Variants in ADARB2 observed in about 807,000 individuals in gnomAD.
ADARB2 encodes inactive double-stranded RNA-specific editase B2.
In ADARB2, 25 loss-of-function variants were observed where a neutral mutation model predicts 62.2. The ratio of observed to expected loss-of-function variants is 0.40; its 90% CI spans 0.29 to 0.56. The LOEUF (loss-of-function observed/expected upper bound fraction) is 0.56. Among genes scored for constraint, ADARB2 ranks in the 20% least tolerant of loss-of-function variants. The probability of loss-of-function intolerance (pLI) is 0.43; values close to 1 mark genes in which losing one functional copy is unlikely to be tolerated. For missense variants in ADARB2, 1,071 were observed against 1,077.4 expected (o/e 0.99, Z 0.08); for synonymous variants, 572 against 500.8 (o/e 1.14, Z -1.90).
intron 1 of ADARB2, among the ~76,000 whole-genome samples, chr10:1,638,268 C>T (rs748112346): frequency 2.2e-4 from 33 of 152,094 alleles, no homozygotes; most frequent in Non-Finnish European, 4.0e-4. Flanking sequence ...TAACAATGAG[C>T]TTTGATTGTT....
intron 3 of ADARB2, among the ~76,000 whole-genome samples, chr10:1,319,175 C>A (rs963299222): frequency 2.0e-5 from 3 of 152,108 alleles, no homozygotes; most frequent in Non-Finnish European, 2.9e-5. Context: ...CACAGAGATA[C>A]AGCATATAGT....
chr10:1,697,232 C>G (rs775014125), intron 1 of ADARB2, among the ~76,000 whole-genome samples: 61 of 152,146 alleles, frequency 4.0e-4, no homozygotes, highest in Non-Finnish European at 8.2e-4. Context: ...CCCCACAGCC[C>G]TGTGGCAAGA....
intron 1 of ADARB2, among the ~76,000 whole-genome samples, chr10:1,575,324 T>C (rs1296362399): frequency 2.6e-5 from 4 of 152,198 alleles, no homozygotes; most frequent in Non-Finnish European, 5.9e-5. Context: ...CTCAGCTCAT[T>C]AAAAAGGTAG....
rs561902056 is a variant in ADARB2, at chr10:1,450,874, G to C, written c.101-71714C>G. ...ACGAGCTGAAGGCTGCTGCTGAGGGGTGGGAAAGTGGTGACTTTTGGGTGA... is the reference window on the plus strand; with the variant it reads ...ACGAGCTGAAGGCTGCTGCTGAGGGCTGGGAAAGTGGTGACTTTTGGGTGA... On this transcript the variant is annotated intron_variant, in intron 1 of 9. Coordinates refer to ENST00000381312, the MANE Select transcript of ADARB2 (RefSeq NM_018702.4). Among the ~76,000 whole-genome samples the C allele has an allele frequency of 2.3e-4, 35 of 152,350 alleles. No individual in the cohort carries two copies. In the South Asian group the frequency reaches 3.3e-3, roughly 14 times the overall value.
chr10:1,305,996 A>G (rs1398251815), intron 3 of ADARB2, among the ~76,000 whole-genome samples: 2 of 152,236 alleles, frequency 1.3e-5, no homozygotes, highest in Admixed American at 6.5e-5. Flanking sequence ...CTGGCACAAG[A>G]CAGTGAGAGG....
intron 1 of ADARB2, among the ~76,000 whole-genome samples, chr10:1,694,735 C>T (rs989573387): frequency 2.0e-5 from 3 of 152,148 alleles, no homozygotes; most frequent in Non-Finnish European, 4.4e-5. Context: ...AGCACATTTA[C>T]GTTTTTTCAG....
intron 4 of ADARB2, among the ~76,000 whole-genome samples, chr10:1,251,452 A>G (rs775623624): frequency 6.6e-6 from 1 of 152,176 alleles, no homozygotes; most frequent in Non-Finnish European, 1.5e-5. Flanking sequence ...TGGAGAACAG[A>G]GGATTTTTAG....
chr10:1,505,386 T>TG (rs1831832066), intron 1 of ADARB2, among the ~76,000 whole-genome samples: 1 of 151,852 alleles, frequency 6.6e-6, no homozygotes, highest in East Asian at 1.9e-4. Context: ...GTTTTTGTTT[T>TG]TTTTTTTTTT....
In ADARB2 at chr10:1,578,635, G is replaced by A. The variant is rs76557898; in HGVS notation, c.100+158416C>T. On this transcript the variant is annotated intron_variant, in intron 1 of 9. Transcript: ENST00000381312. Reference sequence around the variant, plus strand: ...TTGGCTGAACCACTGTTCTCCATGAGCTCACACTGTGTACCATGTTACCCC... The same window carrying A: ...TTGGCTGAACCACTGTTCTCCATGAACTCACACTGTGTACCATGTTACCCC... Among the ~76,000 whole-genome samples the A allele has an allele frequency of 6.7e-4, 100 of 149,336 alleles. No individual in the cohort carries two copies. In the East Asian group the frequency reaches 0.018, roughly 27 times the overall value.
intron 3 of ADARB2, chr10:1,293,049 GGGAGGGAGGGAAAGGGGGGAGA>G (rs1564248643): frequency 5.1e-5 from 4 of 78,566 alleles, no homozygotes; most frequent in African/African-American, 1.2e-4. Context: ...GAGATGCAGA[GGGAGGGAGGGAAAGGGGGGAGA>G]GGAGGGAGAG....
chr10:1,690,168 G>T (rs1306297984), intron 1 of ADARB2, among the ~76,000 whole-genome samples: 1 of 152,216 alleles, frequency 6.6e-6, no homozygotes, highest in Non-Finnish European at 1.5e-5. Flanking sequence ...TTGCGAATTT[G>T]CAGCTAATGC....
intron 1 of ADARB2, among the ~76,000 whole-genome samples, chr10:1,706,630 G>T (rs1312942723): frequency 6.6e-6 from 1 of 152,190 alleles, no homozygotes; most frequent in African/African-American, 2.4e-5. Context: ...CAAACAGAGG[G>T]CCTGGCGCTG....
At chr10:1,287,852 A>C (rs915659254) in intron 3 of ADARB2, among the ~76,000 whole-genome samples, 2 of 152,160 alleles carry the variant, frequency 1.3e-5, no homozygotes, top group African/African-American at 4.8e-5. Flanking sequence ...CCCTCTAAGC[A>C]TTGTTTTCTG....
intron 1 of ADARB2, among the ~76,000 whole-genome samples, chr10:1,383,908 T>C (rs1832504865): frequency 6.6e-6 from 1 of 152,266 alleles, no homozygotes; most frequent in African/African-American, 2.4e-5. Flanking sequence ...CTGAATTTTC[T>C]GGATTTTTCT....
intron 3 of ADARB2, among the ~76,000 whole-genome samples, chr10:1,358,005 TATGTGC>T (rs1832212900): frequency 7.9e-6 from 1 of 127,276 alleles, no homozygotes; most frequent in South Asian, 2.6e-4. Context: ...TATACACACA[TATGTGC>T]ATGTGCATCC....
chr10:1,341,634 A>C (rs1832029654), intron 3 of ADARB2, among the ~76,000 whole-genome samples: 1 of 151,724 alleles, frequency 6.6e-6, no homozygotes, highest in African/African-American at 2.4e-5. Context: ...CCACCAGAGA[A>C]CAACGTGCCC....
At chr10:1,304,042 A>G (rs1362571588) in intron 3 of ADARB2, among the ~76,000 whole-genome samples, 161 of 151,866 alleles carry the variant, frequency 1.1e-3, no homozygotes, top group African/African-American at 3.8e-3. Context: ...TTTAAATGTA[A>G]ATGGACTAAA....
chr10:1,277,835 C>T lies in ADARB2; in HGVS notation c.1078-6766G>A, dbSNP rs1268851288. Among the ~76,000 whole-genome samples, 4 of 152,236 alleles carry T rather than the reference C, an allele frequency of 2.6e-5. No individual in the cohort carries two copies. The East Asian group carries it at 5.8e-4, about 22-fold the overall frequency. On this transcript the variant is annotated intron_variant, in intron 3 of 9. Coordinates refer to ENST00000381312, the MANE Select transcript of ADARB2 (RefSeq NM_018702.4). ...ATTTTAGACCAATATCCCTGATGAA[C>T]ATTGATGCAGAAATCCTCAATAAAA...
intron 1 of ADARB2, among the ~76,000 whole-genome samples, chr10:1,543,634 A>G (rs1832472220): frequency 6.6e-6 from 1 of 152,222 alleles, no homozygotes; most frequent in East Asian, 1.9e-4. Flanking sequence ...CCATCAGAGG[A>G]AAGATAAATT....
Sources: gnomAD v4.1 joint callset for allele counts (sites outside exome capture counted in the v4.1 genomes callset) on GRCh38, gnomAD v4.1.1 for gene constraint, MANE v1.5 for transcripts, NCBI Gene and HGNC (gene_info 2026-07-23, HGNC 2026-07-21) for gene names.